Variants in PRUNE1 observed in about 807,000 individuals in gnomAD.
PRUNE1 encodes exopolyphosphatase PRUNE1.
PRUNE1 carries 25 observed loss-of-function variants against 42.5 expected under a neutral mutation model. The observed-to-expected ratio is 0.59, with a 90% CI of 0.43 to 0.82. The LOEUF (loss-of-function observed/expected upper bound fraction) is 0.82, where lower values mean the gene tolerates loss of function less well. Among genes scored for constraint, PRUNE1 ranks in the 40% least tolerant of loss-of-function variants. PRUNE1 has a pLI of 0.00. For synonymous variants in PRUNE1, 203 were observed against 217.1 expected (o/e 0.93, Z 0.57); for missense variants, 443 against 539.3 (o/e 0.82, Z 1.77).
Position 151,028,805 on chromosome 1 carries a change from A to T in PRUNE1, c.794A>T (p.Asn265Ile), listed in dbSNP as rs745930430. Residue 265 changes from asparagine (N) to isoleucine (I), a missense_variant, in exon 7 of 8, where the codon AAC becomes ATC. Physicochemically the swap from Asn to Ile is moderately radical, Grantham distance 149. Coordinates refer to ENST00000271620, the MANE Select transcript of PRUNE1 (RefSeq NM_021222.3). ...MDLEAFLQRS[N>I]LLADLHAFCQ... ...TTTCAGGCCTTTCTGCAGAGGTCTA[A>T]CCTCCTTGCAGATCTCCATGCTTTC... is the stretch of plus-strand genomic sequence containing the variant. 1.2e-5 allele frequency: 19 copies of T among 1,614,008 alleles called. No individual in the cohort carries two copies. In the East Asian group the frequency reaches 4.2e-4, roughly 36 times the overall value.
At position 151,027,233 on chromosome 1, in the gene PRUNE1, G is replaced by T. The variant is rs1467703162; in HGVS notation, c.680G>T (p.Gly227Val). 1.2e-6 allele frequency: 2 copies of T among 1,605,134 alleles called. No homozygotes were observed. The highest frequency in any genetic ancestry group is 1.1e-5 in the South Asian group (1 of 90,866). ...CCCTAGTCTCTCATCTGCTTTCTAG[G>T]ACTGACCACTGAGCAGATGCTGAGA... ...SLQKAKFDVSGLTTEQMLRKD... is the reference protein window; with the variant it reads ...SLQKAKFDVSVLTTEQMLRKD... Residue 227 changes from glycine to valine, a missense_variant and splice_region_variant, in exon 6 of 8, where the codon GGA (glycine) becomes GTA (valine). Transcript: ENST00000271620.
chr1:151,012,934 G>T (rs1219166749), intron 1 of PRUNE1, among the ~76,000 whole-genome samples: 1 of 150,788 alleles, frequency 6.6e-6, no homozygotes, highest in African/African-American at 2.5e-5. Context: ...CACCACACCC[G>T]GCTAATTTTT....
intron 1 of PRUNE1, among the ~76,000 whole-genome samples, chr1:151,011,719 T>C (rs1673778666): frequency 6.6e-6 from 1 of 152,160 alleles, no homozygotes; most frequent in Non-Finnish European, 1.5e-5. Context: ...ACAAAGAACA[T>C]ATCAGGATAA....
intron 1 of PRUNE1, among the ~76,000 whole-genome samples, chr1:151,013,410 G>T (rs1673903749): frequency 6.6e-6 from 1 of 152,048 alleles, no homozygotes; most frequent in South Asian, 2.1e-4. Context: ...GAGCGCAAGG[G>T]GTTCATTGTT....
rs1308519508 is a variant in PRUNE1, at chr1:151,034,283, A to G, written c.*49A>G. 2 of 1,546,136 alleles carry G rather than the reference A, an allele frequency of 1.3e-6. No individual in the cohort carries two copies. The highest frequency in any genetic ancestry group is 1.8e-6 in the Non-Finnish European group (2 of 1,133,248). ...GGGTGAGGCTACCTGACTCACTTCA[A>G]ATGCATGTTTTGAGATGTTTGGAGA... is the stretch of plus-strand genomic sequence containing the variant. On this transcript the variant is annotated 3_prime_UTR_variant, in exon 8 of 8. Coordinates refer to ENST00000271620, the MANE Select transcript of PRUNE1 (RefSeq NM_021222.3).
At chr1:151,020,787 C>T (rs1381496943) in intron 3 of PRUNE1, among the ~76,000 whole-genome samples, 1 of 151,466 alleles carries the variant, frequency 6.6e-6, no homozygotes, top group African/African-American at 2.4e-5. Flanking sequence ...GGAGACCATC[C>T]TGGCTAACAT....
At chr1:151,024,334 A>C (rs1476071362) in intron 3 of PRUNE1, among the ~76,000 whole-genome samples, 2 of 152,082 alleles carry the variant, frequency 1.3e-5, no homozygotes, top group Non-Finnish European at 2.9e-5. Flanking sequence ...CTCTACTAAA[A>C]ATACAAAAAA....
intron 1 of PRUNE1, 155 bp downstream of exon 1, chr1:151,008,826 G>A (rs1181298111): frequency 2.1e-6 from 2 of 946,218 alleles, no homozygotes; most frequent in East Asian, 2.6e-5. Context: ...GGCATGAGGA[G>A]CGAGGAGCGA....
chr1:151,024,248 G>T (rs928455799), intron 3 of PRUNE1, among the ~76,000 whole-genome samples: 1 of 150,794 alleles, frequency 6.6e-6, no homozygotes, highest in African/African-American at 2.4e-5. Context: ...CCAAAGGTCA[G>T]TTTTAAATGC....
At chr1:151,022,415 AATT>A (rs1393319541) in intron 3 of PRUNE1, among the ~76,000 whole-genome samples, 2 of 49,304 alleles carry the variant, frequency 4.1e-5, no homozygotes, top group African/African-American at 1.9e-4. Flanking sequence ...CGGCCTGGCT[AATT>A]TTTTTTTTTT....
intron 7 of PRUNE1, 26 bp downstream of exon 7, chr1:151,028,970 T>A (rs1444834105): frequency 6.3e-7 from 1 of 1,594,026 alleles, no homozygotes; most frequent in East Asian, 2.2e-5. Flanking sequence ...TTCTCCAACC[T>A]AAGAGCCTTA....
intron 1 of PRUNE1, among the ~76,000 whole-genome samples, chr1:151,016,347 T>C (rs1308765752): frequency 3.9e-5 from 6 of 152,112 alleles, no homozygotes; most frequent in Non-Finnish European, 7.4e-5. Context: ...TGAAATGATA[T>C]AAGTACCTGC....
At chr1:151,025,723 G>T (rs773387042) in intron 5 of PRUNE1, 50 bp downstream of exon 5, 44 of 1,535,846 alleles carry the variant, frequency 2.9e-5, no homozygotes, top group Admixed American at 5.9e-5. Flanking sequence ...AAAACAGAAA[G>T]GCAAGCCTTG....
In PRUNE1 at chr1:151,010,061, C is replaced by T. The variant is rs587748379; in HGVS notation, c.39+1390C>T. Among the ~76,000 whole-genome samples, 73 of 152,258 alleles carry T rather than the reference C, an allele frequency of 4.8e-4. 2 individuals are homozygous for T. The South Asian group carries it at 0.012, about 24-fold the overall frequency. On this transcript the variant is annotated intron_variant, in intron 1 of 7. Transcript: ENST00000271620. ...CCAGCATATATCCTCCAGAGCCTCCCCCGACCCCCAGGTTAGTAGTATATT... is the reference window on the plus strand; with the variant it reads ...CCAGCATATATCCTCCAGAGCCTCCTCCGACCCCCAGGTTAGTAGTATATT...
intron 1 of PRUNE1, among the ~76,000 whole-genome samples, chr1:151,009,201 A>G (rs946682932): frequency 6.6e-6 from 1 of 152,170 alleles, no homozygotes. Context: ...TCTAGGTTAG[A>G]AGTAGTCACA....
rs587713600 is a variant in PRUNE1, at chr1:151,014,011, G to A, written c.40-3801G>A. 3.7e-3 allele frequency among the ~76,000 whole-genome samples: 553 copies of A among 149,530 alleles called. 4 individuals are homozygous for A. The highest frequency in any genetic ancestry group is 6.4e-3 in the Non-Finnish European group (435 of 67,616). On this transcript the variant is annotated intron_variant, in intron 1 of 7. Transcript: ENST00000271620. ...TTTTTTTTTTTTGAGACAGAGTCTC[G>A]CTCGGTCACCCAGGCTGGAGTGCAG...
chr1:151,009,448 G>A (rs1248567475), intron 1 of PRUNE1, among the ~76,000 whole-genome samples: 3 of 152,092 alleles, frequency 2.0e-5, no homozygotes, highest in Non-Finnish European at 4.4e-5. Flanking sequence ...TGACTCAGTT[G>A]GACTCACCCA....
chr1:151,027,087 T>C (rs988872251), intron 5 of PRUNE1, 146 bp from the exon 6 acceptor site: 1 of 525,602 alleles, frequency 1.9e-6, no homozygotes, highest in African/African-American at 1.9e-5. Flanking sequence ...CGCCCGGCTA[T>C]GATTACATTT....
Position 151,019,033 on chromosome 1 carries a change from A to T in PRUNE1, c.335+364A>T, listed in dbSNP as rs140131738. 3.0e-4 allele frequency among the ~76,000 whole-genome samples: 45 copies of T among 152,134 alleles called. No individual in the cohort carries two copies. The East Asian group carries it at 8.3e-3, about 28-fold the overall frequency. On this transcript the variant is annotated intron_variant, in intron 3 of 7. Transcript: ENST00000271620. The stretch of plus-strand genomic sequence containing the variant: ...ACTCCAGCCTGAGCGACAGAGCCAG[A>T]CTCCGTCTCAAAAAAGAAAGAGTTT...
Sources: allele counts gnomAD v4.1 joint callset (sites outside exome capture counted in the v4.1 genomes callset), GRCh38; gene constraint gnomAD v4.1.1; transcripts MANE v1.5; gene names NCBI Gene and HGNC (gene_info 2026-07-23, HGNC 2026-07-21).